BAZ1A: variants seen among roughly 807,000 people sequenced by gnomAD.
BAZ1A encodes the protein bromodomain adjacent to zinc finger domain protein 1A.
A neutral mutation model predicts 185.2 loss-of-function variants in BAZ1A; 50 were observed. The observed-to-expected ratio is 0.27, with a 90% CI of 0.22 to 0.34. The LOEUF (loss-of-function observed/expected upper bound fraction) is 0.34, where lower values mean the gene tolerates loss of function less well. Among genes scored for constraint, BAZ1A ranks in the 10% least tolerant of loss-of-function variants. The probability of loss-of-function intolerance (pLI) is 1.00; values close to 1 mark genes in which losing one functional copy is unlikely to be tolerated. For missense variants in BAZ1A, 1,356 were observed against 1,839.9 expected, an observed-to-expected ratio of 0.74 and a Z score of 4.81; for synonymous variants, 571 against 615.6, an observed-to-expected ratio of 0.93 and a Z score of 1.07.
At chr14:34,859,707 T>C (rs1298167585) in intron 3 of BAZ1A, among the ~76,000 whole-genome samples, 2 of 152,224 alleles carry the variant, frequency 1.3e-5, no homozygotes, top group African/African-American at 4.8e-5. Flanking sequence ...TATTTTGTTT[T>C]TACTATTCTT....
Position 34,868,575 on chromosome 14 carries a change from G to A in BAZ1A, c.113+5917C>T, listed in dbSNP as rs367557282. Among the ~76,000 whole-genome samples the A allele has an allele frequency of 4.7e-3, 710 of 152,206 alleles. 9 individuals are homozygous for A. The highest frequency in any genetic ancestry group is 0.016 in the African/African-American group (680 of 41,520). On this transcript the variant is annotated intron_variant, in intron 2 of 26. Transcript: ENST00000360310. ...TCCCAGCACTTTGGGAGGCCGAGGC[G>A]GGTGGATCACAAGTCAGGAGGTCAA...
chr14:34,785,757 T>G lies in BAZ1A; in HGVS notation c.1831+20A>C. The G allele has an allele frequency of 1.2e-6, 2 of 1,610,948 alleles. No homozygotes were observed. Among genetic ancestry groups the G allele is most frequent in the Non-Finnish European group, 1.7e-6 (2 of 1,178,110 alleles). ...GGAGGAAGTGGGCAGGTTATGCAAA[T>G]TCCAACTTGCAAAGCTTACCTGGTG... On this transcript the variant is annotated intron_variant, in intron 14 of 26. Transcript: ENST00000360310.
At chr14:34,754,426 A>AAAAAAAAAG (rs543554757) in intron 26 of BAZ1A, among the ~76,000 whole-genome samples, 7,825 of 122,314 alleles carry the variant, frequency 0.064, 308 homozygotes, top group Non-Finnish European at 0.091. Flanking sequence ...TCAAAAAAAA[A>AAAAAAAAAG]AAAAAAGAAA....
chr14:34,766,875 C>CTT (rs1878880708), intron 21 of BAZ1A, among the ~76,000 whole-genome samples: 1 of 152,128 alleles, frequency 6.6e-6, no homozygotes, highest in African/African-American at 2.4e-5. Flanking sequence ...GAATCAAACT[C>CTT]ATAAAGACTT....
chr14:34,786,657 G>A (rs1010445370), intron 12 of BAZ1A: 2 of 138,904 alleles, frequency 1.4e-5, no homozygotes, highest in East Asian at 2.1e-4. Context: ...ACCCAGGCTG[G>A]AGTGCAGTGG....
At chr14:34,844,948 GTTCC>G (rs1223261884) in intron 3 of BAZ1A, among the ~76,000 whole-genome samples, 1 of 152,018 alleles carries the variant, frequency 6.6e-6, no homozygotes, top group Non-Finnish European at 1.5e-5. Context: ...AAATTTTAGT[GTTCC>G]TTAATATTTT....
At chr14:34,785,638 G>T in intron 14 of BAZ1A, 139 bp downstream of exon 14, 1 of 666,180 alleles carries the variant, frequency 1.5e-6, no homozygotes, top group Non-Finnish European at 2.5e-6. Flanking sequence ...AAGTTAATAT[G>T]AATAATAACA....
rs1015549967 is a variant in BAZ1A at position 34,774,204 on chromosome 14, T to C, written c.2997+123A>G. On this transcript the variant is annotated intron_variant, in intron 19 of 26. Coordinates refer to ENST00000360310, the MANE Select transcript of BAZ1A (RefSeq NM_013448.3). ...AATAAACTTAAGTTTTCATAAAAAA[T>C]TTATCATTCTCTGGTGTTTATTCAA... 22 of 721,224 alleles carry C rather than the reference T, an allele frequency of 3.1e-5. 1 individual carries two copies. Among genetic ancestry groups the C allele is most frequent in the Non-Finnish European group, 3.9e-5 (19 of 484,916 alleles). 44.7% of individuals were successfully genotyped at this position (721,224 alleles called of 1,614,324 possible).
chr14:34,788,023 G>GTT (rs559620629), intron 12 of BAZ1A, among the ~76,000 whole-genome samples: 1 of 143,162 alleles, frequency 7.0e-6, no homozygotes, highest in Non-Finnish European at 1.5e-5. Flanking sequence ...GTTCATTTTT[G>GTT]TTTTTTTTTT....
intron 21 of BAZ1A, among the ~76,000 whole-genome samples, chr14:34,765,745 G>T (rs1263087116): frequency 1.3e-5 from 2 of 152,034 alleles, no homozygotes; most frequent in Admixed American, 6.6e-5. Flanking sequence ...CTACCAAAAT[G>T]GATTTTTCAG....
chr14:34,757,579 C>T (rs1178303167), intron 25 of BAZ1A, among the ~76,000 whole-genome samples: 5 of 151,300 alleles, frequency 3.3e-5, no homozygotes, highest in East Asian at 4.0e-4. Flanking sequence ...GCAGGAGAAT[C>T]GCTTGAACCC....
At chr14:34,853,417 G>C (rs780476249) in intron 3 of BAZ1A, among the ~76,000 whole-genome samples, 10 of 152,148 alleles carry the variant, frequency 6.6e-5, no homozygotes, top group Admixed American at 3.9e-4. Context: ...TCTGTTACCT[G>C]ATTGCTTCTT....
intron 3 of BAZ1A, among the ~76,000 whole-genome samples, chr14:34,826,948 A>T (rs1230771269): frequency 6.6e-6 from 1 of 152,096 alleles, no homozygotes; most frequent in Non-Finnish European, 1.5e-5. Flanking sequence ...GAAAAGACAA[A>T]TTCATTCGAT....
intron 3 of BAZ1A, among the ~76,000 whole-genome samples, chr14:34,858,842 G>A (rs2042725111): frequency 6.6e-6 from 1 of 152,122 alleles, no homozygotes. Context: ...TATGGAGGAA[G>A]ACATGAAGAA....
chr14:34,801,237 A>G, intron 7 of BAZ1A, 44 bp from the exon 8 acceptor site: 1 of 1,365,004 alleles, frequency 7.3e-7, no homozygotes. Context: ...TTATAGTAAG[A>G]ATAAAAAGCA....
chr14:34,855,803 T>A (rs1326532936), intron 3 of BAZ1A, among the ~76,000 whole-genome samples: 2 of 152,006 alleles, frequency 1.3e-5, no homozygotes, highest in Non-Finnish European at 2.9e-5. Flanking sequence ...AGGAGGAGGC[T>A]AAGGTGGGAG....
At chr14:34,758,635 C>A in intron 25 of BAZ1A, 69 bp downstream of exon 25, 1 of 1,513,148 alleles carries the variant, frequency 6.6e-7, no homozygotes, top group South Asian at 1.2e-5. Context: ...GTTTTGACTA[C>A]TTCAAAGTTA....
At position 34,874,517 on chromosome 14, in the gene BAZ1A, T is replaced by C; in HGVS notation, c.88A>G (p.Thr30Ala). The C allele has an allele frequency of 1.2e-6, 2 of 1,612,258 alleles. No homozygotes were observed. Among genetic ancestry groups the C allele is most frequent in the Non-Finnish European group, 1.7e-6 (2 of 1,179,258 alleles). The change falls in exon 2 of 27, where the codon ACC becomes GCC. Residue 30 changes from threonine to alanine, a missense_variant. By Grantham distance (58) the Thr-to-Ala change is moderately conservative (BLOSUM62 0). Transcript: ENST00000360310. The surrounding 1 kb of genome is among the most constrained non-coding windows in gnomAD (Gnocchi z 4.7). ...PDEEVFYCKV[T>A]NEIFRHYDDF... Reference sequence around the variant, plus strand: ...TCGTAGTGGCGGAAGATCTCGTTGGTGACTTTACAGTAGAAAACTTCCTCG... The same window carrying C: ...TCGTAGTGGCGGAAGATCTCGTTGGCGACTTTACAGTAGAAAACTTCCTCG...
intron 16 of BAZ1A, among the ~76,000 whole-genome samples, chr14:34,781,991 C>T (rs1880069955): frequency 6.6e-6 from 1 of 152,162 alleles, no homozygotes; most frequent in African/African-American, 2.4e-5. Flanking sequence ...AATAATGCTG[C>T]TATGAACATT....
Sources: allele counts gnomAD v4.1 joint callset (sites outside exome capture counted in the v4.1 genomes callset), GRCh38; gene constraint gnomAD v4.1.1; non-coding constraint Gnocchi (gnomAD v3.1); transcripts MANE v1.5; gene names NCBI Gene and HGNC (gene_info 2026-07-23, HGNC 2026-07-21).